CALN1: variants seen among roughly 807,000 people sequenced by gnomAD.
The protein encoded by CALN1 is calneuron 1.
In CALN1, 17 loss-of-function variants were observed where a neutral mutation model predicts 30.6. The observed-to-expected ratio is 0.56, with a 90% CI of 0.38 to 0.83. The LOEUF is 0.83. CALN1 is among the 40% of genes least tolerant of loss of function. CALN1 has a pLI of 0.00. For missense variants in CALN1, 291 were observed against 354.9 expected (o/e 0.82, Z 1.45); for synonymous variants, 156 against 131.4 (o/e 1.19, Z -1.28).
chr7:72,337,075 G>A (rs1380833996), intron 2 of CALN1: 8 of 985,606 alleles, frequency 8.1e-6, no homozygotes, highest in Non-Finnish European at 8.4e-6. Context: ...CGCTGGCCGC[G>A]CGGGTTCAGC....
At chr7:71,905,787 T>C (rs1383606810) in intron 5 of CALN1, among the ~76,000 whole-genome samples, 1 of 152,054 alleles carries the variant, frequency 6.6e-6, no homozygotes, top group Admixed American at 6.6e-5. Flanking sequence ...TGTGAAATTG[T>C]ATTAGTCTGT....
intron 5 of CALN1, among the ~76,000 whole-genome samples, chr7:72,012,892 T>C (rs1284244563): frequency 2.0e-5 from 3 of 151,046 alleles, no homozygotes; most frequent in Non-Finnish European, 4.4e-5. Flanking sequence ...GCCTCCGGGG[T>C]TCAAGCAATT....
At chr7:72,032,260 G>A (rs529754222) in intron 4 of CALN1, among the ~76,000 whole-genome samples, 4 of 150,476 alleles carry the variant, frequency 2.7e-5, no homozygotes, top group Middle Eastern at 3.6e-3. Context: ...GGGTTTCATC[G>A]TGGTCTCGAT....
chr7:72,344,498 T>C (rs1802524069), intron 2 of CALN1, among the ~76,000 whole-genome samples: 2 of 150,382 alleles, frequency 1.3e-5, no homozygotes, highest in Non-Finnish European at 3.0e-5. Flanking sequence ...GTGCACAGAA[T>C]ATAATTCCAA....
intron 5 of CALN1, among the ~76,000 whole-genome samples, chr7:71,937,676 C>T (rs1031044103): frequency 2.0e-5 from 3 of 151,996 alleles, no homozygotes; most frequent in Admixed American, 1.3e-4. Context: ...GATAGGGTCT[C>T]GCTGTGTTGC....
intron 2 of CALN1, among the ~76,000 whole-genome samples, chr7:72,286,745 C>G (rs950016991): frequency 1.3e-5 from 2 of 152,226 alleles, no homozygotes; most frequent in African/African-American, 4.8e-5. Context: ...AATGAGTAAG[C>G]AAAAACACTA....
chr7:72,306,890 T>C (rs982694581), intron 2 of CALN1, among the ~76,000 whole-genome samples: 1 of 152,198 alleles, frequency 6.6e-6, no homozygotes, highest in Admixed American at 6.5e-5. Context: ...GAATAAATCT[T>C]TTCAGGTATT....
intron 5 of CALN1, among the ~76,000 whole-genome samples, chr7:71,983,982 G>A (rs1426261413): frequency 1.3e-5 from 2 of 151,976 alleles, no homozygotes; most frequent in Non-Finnish European, 2.9e-5. Flanking sequence ...TGATAACCGC[G>A]CCAAAAGATA....
intron 4 of CALN1, among the ~76,000 whole-genome samples, chr7:72,089,871 A>G (rs1269441434): frequency 6.6e-6 from 1 of 152,238 alleles, no homozygotes; most frequent in Admixed American, 6.5e-5. Flanking sequence ...TACAAGGCAC[A>G]TGGGTAATGT....
At chr7:72,127,833 C>A (rs1002680795) in intron 3 of CALN1, among the ~76,000 whole-genome samples, 2 of 152,044 alleles carry the variant, frequency 1.3e-5, no homozygotes, top group East Asian at 1.9e-4. Flanking sequence ...TTATTCAGAG[C>A]AAATCTTAAA....
At position 71,993,455 on chromosome 7, in the gene CALN1, C is replaced by CTT. The variant is rs34736851; in HGVS notation, c.501+30200_501+30201dup. ...CACCCCAGCCTGGGCAACAATGAGG[C>CTT]TTTTTTTTTTTTTTTGTCTGTCATG... On this transcript the variant is annotated intron_variant, in intron 5 of 6. Transcript: ENST00000395275. 4.4e-3 allele frequency among the ~76,000 whole-genome samples: 595 copies of CTT among 133,826 alleles called. 5 individuals are homozygous for CTT. The highest frequency in any genetic ancestry group is 0.013 in the African/African-American group (472 of 36,352). 87.8% of individuals were successfully genotyped at this position (133,826 alleles called of 152,430 possible). A position where few individuals can be genotyped will look rare whatever the true frequency, so the allele number is the denominator to read the frequency against.
intron 1 of CALN1, among the ~76,000 whole-genome samples, chr7:72,406,739 C>T (rs1377542477): frequency 6.6e-6 from 1 of 151,950 alleles, no homozygotes; most frequent in Non-Finnish European, 1.5e-5. Context: ...GCCTCAGCCT[C>T]CCAAATAACT....
At chr7:72,285,884 A>G (rs1384902943) in intron 2 of CALN1, among the ~76,000 whole-genome samples, 1 of 152,180 alleles carries the variant, frequency 6.6e-6, no homozygotes, top group Non-Finnish European at 1.5e-5. Context: ...CGTGTCCTCC[A>G]ATTACCAGAC....
intron 2 of CALN1, among the ~76,000 whole-genome samples, chr7:72,341,055 A>G (rs1802359184): frequency 6.6e-6 from 1 of 152,192 alleles, no homozygotes; most frequent in Admixed American, 6.5e-5. Context: ...AGAAGGTATT[A>G]TATTTACAGG....
intron 1 of CALN1, among the ~76,000 whole-genome samples, chr7:72,432,927 G>A (rs760572330): frequency 4.1e-4 from 62 of 152,162 alleles, no homozygotes; most frequent in Middle Eastern, 3.2e-3. Flanking sequence ...TCATGTAATC[G>A]TGTTATCTTC....
At chr7:71,842,238 C>T (rs556309958) in intron 5 of CALN1, among the ~76,000 whole-genome samples, 2 of 152,304 alleles carry the variant, frequency 1.3e-5, no homozygotes, top group Admixed American at 1.3e-4. Flanking sequence ...TGGAGAATTG[C>T]AGCTTGAGTG....
chr7:72,308,445 C>G (rs1050253341), intron 2 of CALN1, among the ~76,000 whole-genome samples: 9 of 149,298 alleles, frequency 6.0e-5, no homozygotes, highest in Non-Finnish European at 1.0e-4. Context: ...AAAGTACCAC[C>G]AAAGCTTGAG....
At chr7:72,265,019 T>A (rs761732556) in intron 3 of CALN1, among the ~76,000 whole-genome samples, 11 of 152,186 alleles carry the variant, frequency 7.2e-5, no homozygotes, top group South Asian at 2.1e-4. Context: ...TTTGTAGTAT[T>A]TGTAGAGACA....
chr7:72,025,204 GGAGGCT>G (rs1800977907), intron 4 of CALN1, among the ~76,000 whole-genome samples: 1 of 152,154 alleles, frequency 6.6e-6, no homozygotes, highest in South Asian at 2.1e-4. Context: ...CAGCTACTTG[GGAGGCT>G]GAGGCAGGAG....
Sources: gnomAD v4.1 joint callset for allele counts (sites outside exome capture counted in the v4.1 genomes callset) on GRCh38, gnomAD v4.1.1 for gene constraint, MANE v1.5 for transcripts, NCBI Gene and HGNC (gene_info 2026-07-23, HGNC 2026-07-21) for gene names.